The following AMBRA1 variants were observed in gnomAD, a reference collection of about 807,000 sequenced individuals.
AMBRA1 encodes the protein activating molecule in BECN1-regulated autophagy protein 1.
In AMBRA1, 47 loss-of-function variants were observed where a neutral mutation model predicts 125.4. The observed-to-expected ratio is 0.37, with a 90% CI of 0.30 to 0.48. AMBRA1 has a LOEUF of 0.48. Among genes scored for constraint, AMBRA1 ranks in the 20% least tolerant of loss-of-function variants. The pLI, the probability that AMBRA1 is intolerant of heterozygous loss-of-function variation, is 0.99. For missense variants in AMBRA1, 1,331 were observed against 1,693.4 expected, an observed-to-expected ratio of 0.79 and a Z score of 3.76; for synonymous variants, 626 against 655.5, an observed-to-expected ratio of 0.95 and a Z score of 0.69.
intron 1 of AMBRA1, among the ~76,000 whole-genome samples, chr11:46,578,882 C>CAAAAAAAA (rs71042607): frequency 4.1e-5 from 1 of 24,454 alleles, no homozygotes; most frequent in African/African-American, 2.1e-4. Context: ...GACTCAGTCT[C>CAAAAAAAA]AAAAAAAAAA....
chr11:46,574,000 A>G (rs1406872808), intron 1 of AMBRA1, among the ~76,000 whole-genome samples: 59 of 140,628 alleles, frequency 4.2e-4, no homozygotes, highest in African/African-American at 1.6e-3. Flanking sequence ...TGAACTCATC[A>G]TTTTTTATGG....
At chr11:46,561,261 A>G (rs2043328336) in intron 1 of AMBRA1, among the ~76,000 whole-genome samples, 1 of 152,052 alleles carries the variant, frequency 6.6e-6, no homozygotes, top group South Asian at 2.1e-4. Context: ...CGCGCCTGTA[A>G]TCCCAGCTAC....
chr11:46,507,980 C>T (rs1951119670), intron 9 of AMBRA1, among the ~76,000 whole-genome samples: 1 of 152,206 alleles, frequency 6.6e-6, no homozygotes, highest in African/African-American at 2.4e-5. Context: ...TCTCTGTCCT[C>T]GCGCGCCAGT....
At chr11:46,529,711 T>C (rs1952129072) in intron 7 of AMBRA1, among the ~76,000 whole-genome samples, 1 of 152,140 alleles carries the variant, frequency 6.6e-6, no homozygotes, top group Admixed American at 6.5e-5. Context: ...TGAGCCTGTT[T>C]TTTCAACAGA....
intron 1 of AMBRA1, among the ~76,000 whole-genome samples, chr11:46,571,973 C>G (rs1046683953): frequency 1.3e-5 from 2 of 152,084 alleles, no homozygotes; most frequent in East Asian, 3.9e-4. Flanking sequence ...CAGGCTTAAG[C>G]CACTGCGCCC....
intron 1 of AMBRA1, among the ~76,000 whole-genome samples, chr11:46,569,973 T>C (rs2043696818): frequency 1.4e-5 from 2 of 146,870 alleles, no homozygotes; most frequent in Admixed American, 6.8e-5. Flanking sequence ...AATAAATAAA[T>C]AATAAAGGCC....
At chr11:46,402,992 C>T (rs1945838695) in intron 17 of AMBRA1, among the ~76,000 whole-genome samples, 3 of 152,192 alleles carry the variant, frequency 2.0e-5, no homozygotes, top group Admixed American at 1.3e-4. Context: ...ATGGCAGTTA[C>T]AGTCAGGGAT....
intron 1 of AMBRA1, among the ~76,000 whole-genome samples, chr11:46,573,773 A>C (rs1308374089): frequency 6.8e-6 from 1 of 146,560 alleles, no homozygotes; most frequent in Admixed American, 6.8e-5. Context: ...CCACTAACTC[A>C]TCATCTAGCA....
chr11:46,457,664 G>T (rs182207178), intron 11 of AMBRA1, among the ~76,000 whole-genome samples: 10 of 152,290 alleles, frequency 6.6e-5, no homozygotes, highest in African/African-American at 2.2e-4. Context: ...ACTTTGGAAG[G>T]CCAAGGCAGG....
In AMBRA1 at chr11:46,433,587, A is replaced by G; in HGVS notation, c.2863T>C (p.Tyr955His). ...ISVSLSPMGR[Y>H]VMVGLASRRI... ...CGTGAGGCCAAGCCCACCATTACATATCTGCCCATTGGGGACAGGCTCACC... is the reference window on the plus strand; with the variant it reads ...CGTGAGGCCAAGCCCACCATTACATGTCTGCCCATTGGGGACAGGCTCACC... The change falls in exon 14 of 18, where the codon TAT becomes CAT. Residue 955 changes from tyrosine to histidine, a missense_variant. Physicochemically the swap from Tyr to His is moderately conservative, Grantham distance 83. This residue lies in a region of AMBRA1 where 354 missense variants were observed against 532.7 expected (regional missense o/e 0.66). Transcript: ENST00000683756. The G allele has an allele frequency of 6.2e-7, 1 of 1,614,140 alleles. No individual in the cohort carries two copies. The highest frequency in any genetic ancestry group is 8.5e-7 in the Non-Finnish European group (1 of 1,180,000).
chr11:46,421,622 A>G (rs1472271773), intron 14 of AMBRA1, among the ~76,000 whole-genome samples: 1 of 152,194 alleles, frequency 6.6e-6, no homozygotes, highest in Non-Finnish European at 1.5e-5. Flanking sequence ...CATTTTGAAA[A>G]GCACCCAGAG....
At chr11:46,582,750 T>A (rs906974681) in intron 1 of AMBRA1, among the ~76,000 whole-genome samples, 1 of 152,104 alleles carries the variant, frequency 6.6e-6, no homozygotes, top group African/African-American at 2.4e-5. Context: ...GGTTGTTAGT[T>A]GGAATGAAAA....
intron 5 of AMBRA1, among the ~76,000 whole-genome samples, chr11:46,545,177 G>T (rs1282748686): frequency 1.2e-4 from 14 of 120,990 alleles, no homozygotes; most frequent in African/African-American, 4.4e-4. Context: ...GGGGGGGGTG[G>T]TGGTGGGCAT....
chr11:46,510,978 C>T (rs183586011), intron 8 of AMBRA1, among the ~76,000 whole-genome samples: 15 of 152,268 alleles, frequency 9.9e-5, no homozygotes, highest in Non-Finnish European at 4.4e-5. Context: ...AAAAATACTT[C>T]CTTTTCCAAA....
intron 17 of AMBRA1, among the ~76,000 whole-genome samples, chr11:46,400,784 GC>G (rs1258075512): frequency 6.6e-6 from 1 of 152,058 alleles, no homozygotes; most frequent in African/African-American, 2.4e-5. Flanking sequence ...ACTGCGCCCA[GC>G]CCCAGTCTTA....
intron 1 of AMBRA1, among the ~76,000 whole-genome samples, chr11:46,561,287 A>C (rs2043329139): frequency 6.6e-6 from 1 of 152,090 alleles, no homozygotes. Context: ...AGGCTGAGGC[A>C]GGAGAATCGC....
intron 1 of AMBRA1, among the ~76,000 whole-genome samples, chr11:46,575,122 A>G (rs563270073): frequency 6.6e-6 from 1 of 152,320 alleles, no homozygotes; most frequent in African/African-American, 2.4e-5. Flanking sequence ...TACCAGTGGT[A>G]TCAGTAACTC....
At chr11:46,588,268 G>C (rs2044471223) in intron 1 of AMBRA1, among the ~76,000 whole-genome samples, 1 of 152,090 alleles carries the variant, frequency 6.6e-6, no homozygotes, top group African/African-American at 2.4e-5. Flanking sequence ...GGAGGCGCAG[G>C]TTGCAATGAG....
chr11:46,507,897 G>A (rs2135035703), intron 9 of AMBRA1, among the ~76,000 whole-genome samples: 1 of 152,308 alleles, frequency 6.6e-6, no homozygotes, highest in South Asian at 2.1e-4. Flanking sequence ...ACATGCAAAA[G>A]GGAAATAAAA....
Sources: gnomAD v4.1 joint callset for allele counts (sites outside exome capture counted in the v4.1 genomes callset) on GRCh38, gnomAD v4.1.1 for gene constraint, gnomAD v4.1.1 regional missense constraint, MANE v1.5 for transcripts, NCBI Gene and HGNC (gene_info 2026-07-23, HGNC 2026-07-21) for gene names.